Variants in COL4A5 observed in about 807,000 individuals in gnomAD.
The protein encoded by COL4A5 is collagen alpha-5(IV) chain.
Under a neutral mutation model 130.2 loss-of-function variants are expected in COL4A5, and 26 were observed. That is an observed-to-expected ratio of 0.20 (90% CI 0.15 to 0.28). COL4A5 has a LOEUF of 0.28. COL4A5 is among the 10% of genes least tolerant of loss of function. The probability of loss-of-function intolerance (pLI) is 1.00; values close to 1 mark genes in which losing one functional copy is unlikely to be tolerated. For synonymous variants in COL4A5, 496 were observed against 439.6 expected (o/e 1.13, Z -1.60); for missense variants, 1,131 against 1,344.3 (o/e 0.84, Z 2.48).
At chrX:108,487,100 T>C (rs996611250) in intron 1 of COL4A5, among the ~76,000 whole-genome samples, 1 of 112,043 alleles carries the variant, frequency 8.9e-6, no homozygotes, top group African/African-American at 3.2e-5. Context: ...TGTAGAAGTG[T>C]TCCCTTTTCA....
intron 1 of COL4A5, among the ~76,000 whole-genome samples, chrX:108,452,558 T>A (rs2064530225): frequency 1.8e-5 from 2 of 112,019 alleles, no homozygotes; most frequent in African/African-American, 6.5e-5. Flanking sequence ...GTAAGTTGGA[T>A]TCCCAGGTAT....
At chrX:108,564,311 G>C in intron 4 of COL4A5, among the ~76,000 whole-genome samples, 1 of 111,565 alleles carries the variant, frequency 9.0e-6, no homozygotes, top group Non-Finnish European at 1.9e-5. Context: ...ACCTCAGGCT[G>C]TGTATCCTCC....
intron 1 of COL4A5, among the ~76,000 whole-genome samples, chrX:108,454,461 G>C (rs979088146): frequency 1.3e-4 from 14 of 110,647 alleles, no homozygotes; most frequent in Non-Finnish European, 2.6e-4. Context: ...ATTTTTAGTA[G>C]AGGCAGTGTT....
At chrX:108,557,767 G>A (rs561738304) in intron 2 of COL4A5, among the ~76,000 whole-genome samples, 1 of 110,104 alleles carries the variant, frequency 9.1e-6, no homozygotes, top group South Asian at 3.9e-4. Flanking sequence ...TCTTTCTCAC[G>A]TGCTGTCCAG....
At chrX:108,604,147 A>G (rs1183928135) in intron 28 of COL4A5, among the ~76,000 whole-genome samples, 1 of 112,355 alleles carries the variant, frequency 8.9e-6, no homozygotes, top group Non-Finnish European at 1.9e-5. Context: ...CTTCTAATGA[A>G]TCCTGAATTT....
intron 37 of COL4A5, among the ~76,000 whole-genome samples, chrX:108,660,193 A>G (rs887070480): frequency 8.0e-5 from 9 of 112,202 alleles, no homozygotes; most frequent in Non-Finnish European, 1.1e-4. Flanking sequence ...GATTGTGTTT[A>G]TATATTTCAG....
chrX:108,569,296 T>G (rs1157857305), intron 6 of COL4A5, among the ~76,000 whole-genome samples: 1 of 112,439 alleles, frequency 8.9e-6, no homozygotes, highest in Non-Finnish European at 1.9e-5. Flanking sequence ...CACATCCGTT[T>G]TTACTATAAA....
At chrX:108,497,382 C>T (rs1489948729) in intron 1 of COL4A5, among the ~76,000 whole-genome samples, 1 of 111,187 alleles carries the variant, frequency 9.0e-6, no homozygotes, top group East Asian at 2.8e-4. Context: ...GGGTATATAC[C>T]TAGAAGTAGA....
intron 25 of COL4A5, among the ~76,000 whole-genome samples, chrX:108,599,557 G>A (rs2066589565): frequency 9.0e-6 from 1 of 110,917 alleles, no homozygotes; most frequent in Non-Finnish European, 1.9e-5. Context: ...TAATGCTTCT[G>A]TTTACAGTCA....
At chrX:108,643,096 C>A (rs762112804) in intron 36 of COL4A5, among the ~76,000 whole-genome samples, 1 of 111,353 alleles carries the variant, frequency 9.0e-6, no homozygotes, top group Admixed American at 9.5e-5. Context: ...AATGAACACA[C>A]TTATAGAAAT....
At chrX:108,450,021 T>G (rs2064492533) in intron 1 of COL4A5, among the ~76,000 whole-genome samples, 1 of 112,027 alleles carries the variant, frequency 8.9e-6, no homozygotes, top group Non-Finnish European at 1.9e-5. Flanking sequence ...AGTAGTTGTA[T>G]TCGTCATACT....
chrX:108,440,006 CCTCACTGTCCCTCTCCGG>C lies in COL4A5; in HGVS notation c.-116_-99del, dbSNP rs1199791838. 1.9e-6 allele frequency: 1 copy of C among 535,943 alleles called. No individual in the cohort carries two copies. The highest frequency in any genetic ancestry group is 2.3e-5 in the African/African-American group (1 of 42,716). 44.2% of individuals were successfully genotyped at this position (535,943 alleles called of 1,213,427 possible). A position where few individuals can be genotyped will look rare whatever the true frequency, so the allele number is the denominator to read the frequency against. ...AAAAGCTTCTTTCTCTTCACCCAAG[CCTCACTGTCCCTCTCCGG>C]CTCTAGCTCTCTCCATATAAACCCT... is the stretch of plus-strand genomic sequence containing the variant. On this transcript the variant is annotated 5_prime_UTR_variant, in exon 1 of 53. Coordinates refer to ENST00000328300, the MANE Select transcript of COL4A5 (RefSeq NM_033380.3).
At chrX:108,664,121 G>C (rs1441734206) in intron 37 of COL4A5, among the ~76,000 whole-genome samples, 2 of 111,653 alleles carry the variant, frequency 1.8e-5, no homozygotes, top group Non-Finnish European at 3.8e-5. Context: ...GGAGGTGGAG[G>C]TTGCAGTGAG....
In COL4A5 at chrX:108,506,341, CATCTATCTATCTATCTATCTATCT is replaced by C. The variant is rs59216072; in HGVS notation, c.82-33379_82-33356del. 3.1e-5 allele frequency among the ~76,000 whole-genome samples: 3 copies of C among 98,055 alleles called. No individual in the cohort carries two copies. In the East Asian group the frequency reaches 1.0e-3, roughly 33 times the overall value. The allele number at this position is 98,055 out of a possible 115,157, so 85.1% of individuals were successfully genotyped here. A position where few individuals can be genotyped will look rare whatever the true frequency, so the allele number is the denominator to read the frequency against. On this transcript the variant is annotated intron_variant, in intron 1 of 52. Coordinates refer to ENST00000328300, the MANE Select transcript of COL4A5 (RefSeq NM_033380.3). ...TTTTCCCACTAGCCTTTTATTCTAT[CATCTATCTATCTATCTATCTATCT>C]ATCTATCTATCTATCTATCTATCTA...
intron 2 of COL4A5, among the ~76,000 whole-genome samples, chrX:108,547,570 G>A (rs1407113344): frequency 8.9e-6 from 1 of 112,103 alleles, no homozygotes. Context: ...ACCCACTTGA[G>A]GAGGCAGTCT....
At chrX:108,496,810 A>G (rs1200469756) in intron 1 of COL4A5, among the ~76,000 whole-genome samples, 1 of 111,592 alleles carries the variant, frequency 9.0e-6, no homozygotes, top group Non-Finnish European at 1.9e-5. Context: ...TTCTTATTCT[A>G]TAGTGTCAAA....
intron 1 of COL4A5, among the ~76,000 whole-genome samples, chrX:108,477,221 C>A (rs757592304): frequency 9.0e-6 from 1 of 111,626 alleles, no homozygotes; most frequent in African/African-American, 3.3e-5. Flanking sequence ...GTTGACAACT[C>A]AGTTTTAACC....
intron 9 of COL4A5, among the ~76,000 whole-genome samples, chrX:108,574,693 G>T (rs1318573497): frequency 9.0e-6 from 1 of 111,729 alleles, no homozygotes; most frequent in Non-Finnish European, 1.9e-5. Context: ...CCATATTATT[G>T]GATATGGCTT....
intron 36 of COL4A5, among the ~76,000 whole-genome samples, chrX:108,636,865 A>G (rs112876012): frequency 1.8e-5 from 2 of 110,849 alleles, no homozygotes; most frequent in Admixed American, 9.7e-5. Context: ...CTACTAATGC[A>G]TGTAAATTAA....
Sources: allele counts gnomAD v4.1 joint callset (sites outside exome capture counted in the v4.1 genomes callset), GRCh38; gene constraint gnomAD v4.1.1; transcripts MANE v1.5; gene names NCBI Gene and HGNC (gene_info 2026-07-23, HGNC 2026-07-21).